The following VTI1A variants were observed in gnomAD, a reference collection of about 807,000 sequenced individuals.
The protein encoded by VTI1A is vesicle transport through interaction with t-SNAREs 1A.
A neutral mutation model predicts 34.9 loss-of-function variants in VTI1A; 22 were observed. That is an observed-to-expected ratio of 0.63 (90% CI 0.45 to 0.90). VTI1A has a LOEUF of 0.90. VTI1A is among the 40% of genes least tolerant of loss of function. The pLI, the probability that VTI1A is intolerant of heterozygous loss-of-function variation, is 0.00. For synonymous variants in VTI1A, 87 were observed against 97.3 expected, an observed-to-expected ratio of 0.89 and a Z score of 0.62; for missense variants, 268 against 275.6, an observed-to-expected ratio of 0.97 and a Z score of 0.20.
chr10:112,850,452 G>A, the VTI1A span, among the ~76,000 whole-genome samples: 35 of 151,994 alleles, frequency 2.3e-4, no homozygotes, highest in African/African-American at 8.4e-4. Context: ...GGGTGAGGGG[G>A]AGCAAAGAGA....
chr10:112,732,251 T>G (rs1209439751), intron 7 of VTI1A, among the ~76,000 whole-genome samples: 1 of 152,226 alleles, frequency 6.6e-6, no homozygotes, highest in Non-Finnish European at 1.5e-5. Flanking sequence ...TGGCCTTTTT[T>G]GAGAGCCTTT....
intron 7 of VTI1A, among the ~76,000 whole-genome samples, chr10:112,708,386 AT>A (rs1849276601): frequency 1.3e-5 from 2 of 152,348 alleles, no homozygotes; most frequent in Admixed American, 6.5e-5. Flanking sequence ...AAGAAGTTAC[AT>A]TGATTACAAG....
chr10:112,808,604 G>A (rs1279885689), intron 7 of VTI1A, among the ~76,000 whole-genome samples: 8 of 133,282 alleles, frequency 6.0e-5, no homozygotes, highest in African/African-American at 1.4e-4. Context: ...CAGCCTGGGC[G>A]ACAAAGCGAG....
chr10:112,754,530 C>G (rs1051720647), intron 7 of VTI1A, among the ~76,000 whole-genome samples: 1 of 152,224 alleles, frequency 6.6e-6, no homozygotes, highest in Non-Finnish European at 1.5e-5. Context: ...CAGTAATTCT[C>G]ACCTGTACAC....
intron 7 of VTI1A, among the ~76,000 whole-genome samples, chr10:112,689,099 C>A (rs1848528778): frequency 6.6e-6 from 1 of 152,136 alleles, no homozygotes; most frequent in African/African-American, 2.4e-5. Context: ...AAACCACTTG[C>A]ATGTATTAAT....
intron 5 of VTI1A, among the ~76,000 whole-genome samples, chr10:112,641,102 G>T (rs2134667904): frequency 6.6e-6 from 1 of 151,318 alleles, no homozygotes; most frequent in East Asian, 2.0e-4. Flanking sequence ...ATTCTGAGAG[G>T]GGGTGTAGTT....
At chr10:112,510,450 A>G (rs1227473672) in intron 3 of VTI1A, among the ~76,000 whole-genome samples, 3 of 152,160 alleles carry the variant, frequency 2.0e-5, no homozygotes, top group Non-Finnish European at 4.4e-5. Flanking sequence ...CCTGGGCAAC[A>G]TAGCAAGACC....
intron 7 of VTI1A, among the ~76,000 whole-genome samples, chr10:112,724,146 G>A (rs963539656): frequency 6.6e-6 from 1 of 152,010 alleles, no homozygotes; most frequent in Non-Finnish European, 1.5e-5. Flanking sequence ...AAAAAAGCTG[G>A]CACAGAGATA....
intron 4 of VTI1A, among the ~76,000 whole-genome samples, chr10:112,530,651 G>A (rs1004860326): frequency 3.9e-5 from 6 of 152,102 alleles, no homozygotes; most frequent in African/African-American, 1.4e-4. Context: ...AAGTTTTGTG[G>A]CAAAGCAATA....
intron 5 of VTI1A, among the ~76,000 whole-genome samples, chr10:112,572,820 C>G (rs1411205687): frequency 7.3e-6 from 1 of 136,904 alleles, no homozygotes; most frequent in African/African-American, 2.8e-5. Flanking sequence ...GACTGGGCGA[C>G]AGAGCGAGAC....
chr10:112,546,242 A>C (rs1851121247), intron 5 of VTI1A, among the ~76,000 whole-genome samples: 1 of 151,762 alleles, frequency 6.6e-6, no homozygotes, highest in Non-Finnish European at 1.5e-5. Flanking sequence ...TATATACAAA[A>C]ATTTGGCCAG....
At chr10:112,496,095 C>A (rs549571558) in intron 3 of VTI1A, among the ~76,000 whole-genome samples, 1 of 149,880 alleles carries the variant, frequency 6.7e-6, no homozygotes, top group Non-Finnish European at 1.5e-5. Flanking sequence ...CGATGGCTCA[C>A]GCCTGTAATC....
chr10:112,591,518 T>TCACAAACA (rs1554913902), intron 5 of VTI1A, among the ~76,000 whole-genome samples: 1 of 150,710 alleles, frequency 6.6e-6, no homozygotes, highest in Non-Finnish European at 1.5e-5. Flanking sequence ...AGACTCCGTC[T>TCACAAACA]CACACACACA....
chr10:112,591,472 A>C (rs1412637681), intron 5 of VTI1A, among the ~76,000 whole-genome samples: 1 of 152,104 alleles, frequency 6.6e-6, no homozygotes, highest in African/African-American at 2.4e-5. Flanking sequence ...GTGAGCAGAG[A>C]TCGCACCACT....
Position 112,811,649 on chromosome 10 carries a change from A to C in VTI1A, c.561-3641A>C, listed in dbSNP as rs1291623845. ...CAGTGAGCCGAGATTGCGCCACTGC[A>C]CTCCAGCCTGGGCGACAGAGCGAGA... On this transcript the variant is annotated intron_variant, in intron 7 of 7. Transcript: ENST00000393077. Among the ~76,000 whole-genome samples the C allele has an allele frequency of 3.0e-5, 4 of 131,814 alleles. No individual in the cohort carries two copies. In the Admixed American group the frequency reaches 3.9e-4, roughly 13 times the overall value. The allele number at this position is 131,814 out of a possible 152,430, so 86.5% of individuals were successfully genotyped here. A position where few individuals can be genotyped will look rare whatever the true frequency, so the allele number is the denominator to read the frequency against.
chr10:112,529,024 C>T (rs1325721395), intron 4 of VTI1A, among the ~76,000 whole-genome samples: 1 of 152,058 alleles, frequency 6.6e-6, no homozygotes, highest in Non-Finnish European at 1.5e-5. Flanking sequence ...AATTATATTC[C>T]TGTCACCTTA....
intron 3 of VTI1A, among the ~76,000 whole-genome samples, chr10:112,494,917 A>G (rs1848958860): frequency 6.6e-6 from 1 of 152,166 alleles, no homozygotes; most frequent in South Asian, 2.1e-4. Context: ...CTATATTATT[A>G]CCCAGATTAA....
chr10:112,721,020 A>ACACATAT (rs1044789525), intron 7 of VTI1A, among the ~76,000 whole-genome samples: 12 of 152,210 alleles, frequency 7.9e-5, no homozygotes, highest in Admixed American at 7.9e-4. Flanking sequence ...TGAGTACTTA[A>ACACATAT]CACATATTAT....
chr10:112,754,916 G>C (rs911814420), intron 7 of VTI1A, among the ~76,000 whole-genome samples: 1 of 152,204 alleles, frequency 6.6e-6, no homozygotes, highest in African/African-American at 2.4e-5. Context: ...GTGTTCATAA[G>C]ATGATTTGGG....
Sources: gnomAD v4.1 joint callset for allele counts (sites outside exome capture counted in the v4.1 genomes callset) on GRCh38, gnomAD v4.1.1 for gene constraint, MANE v1.5 for transcripts, NCBI Gene and HGNC (gene_info 2026-07-23, HGNC 2026-07-21) for gene names.